YBX3: variants seen among roughly 807,000 people sequenced by gnomAD.
YBX3 encodes the protein Y-box-binding protein 3.
YBX3 carries 29 observed loss-of-function variants against 42.4 expected under a neutral mutation model. The ratio of observed to expected loss-of-function variants is 0.68; its 90% confidence interval spans 0.51 to 0.93. The LOEUF is 0.93. Among genes scored for constraint, YBX3 ranks in the 40% least tolerant of loss-of-function variants. The probability of loss-of-function intolerance (pLI) is 0.00; values close to 1 mark genes in which losing one functional copy is unlikely to be tolerated. For missense variants in YBX3, 517 were observed against 527.5 expected, an observed-to-expected ratio of 0.98 and a Z score of 0.19; for synonymous variants, 195 against 189.8, an observed-to-expected ratio of 1.03 and a Z score of -0.22.
At position 10,722,946 on chromosome 12, in the gene YBX3, G is replaced by C. The variant is rs1442683329; in HGVS notation, c.166C>G (p.Pro56Ala). The change falls in exon 1 of 10, where the codon CCC becomes GCC. Residue 56 changes from proline to alanine, a missense_variant. By Grantham distance (27) the Pro-to-Ala change is conservative. Coordinates refer to ENST00000228251, the MANE Select transcript of YBX3 (RefSeq NM_003651.5). ...PAPAAHVAGN[P>A]GGDAAPAATG... The stretch of plus-strand genomic sequence containing the variant: ...GCTGCGGGGGCCGCGTCCCCACCGG[G>C]GTTTCCTGCGACGTGGGCGGCGGGC... The C allele has an allele frequency of 7.8e-7, 1 of 1,283,516 alleles. No homozygotes were observed. The highest frequency in any genetic ancestry group is 9.8e-7 in the Non-Finnish European group (1 of 1,020,848). The allele number at this position is 1,283,516 out of a possible 1,614,324, so 79.5% of individuals were successfully genotyped here. A position where few individuals can be genotyped will look rare whatever the true frequency, so the allele number is the denominator to read the frequency against.
chr12:10,713,248 C>T lies in YBX3; in HGVS notation c.536G>A (p.Arg179His). Residue 179 changes from arginine (R) to histidine (H), a missense_variant, in exon 5 of 10, where the codon CGT (arginine) becomes CAT (histidine). By Grantham distance (29) the Arg-to-His change is conservative. Transcript: ENST00000228251. ...GCCACGGCGCCTTCCATAGTAGCCA[C>T]GTCTGTAACGGCGCCGATCTGCAGC... ...RYAADRRRYR[R>H]GYYGRRRGPP... is the part of the protein sequence containing the mutation. 5.6e-6 allele frequency: 9 copies of T among 1,614,054 alleles called. No individual in the cohort carries two copies. Among genetic ancestry groups the T allele is most frequent in the South Asian group, 2.2e-5 (2 of 91,076 alleles).
At chr12:10,713,030 G>A (rs1388761878) in intron 5 of YBX3, 181 bp downstream of exon 5, 1 of 815,546 alleles carries the variant, frequency 1.2e-6, no homozygotes. Flanking sequence ...AAAAACCTAT[G>A]GAAATCAATA....
At chr12:10,705,810 C>T (rs1273176806) in intron 6 of YBX3, among the ~76,000 whole-genome samples, 1 of 152,018 alleles carries the variant, frequency 6.6e-6, no homozygotes, top group East Asian at 1.9e-4. Flanking sequence ...TAATCTGTTA[C>T]TATCATTACT....
chr12:10,722,826 C>G (rs1948345397), intron 1 of YBX3, 24 bp downstream of exon 1: 2 of 1,444,080 alleles, frequency 1.4e-6, no homozygotes, highest in Non-Finnish European at 1.8e-6. Flanking sequence ...TACGGCAGCC[C>G]CTGCCCTCCC....
chr12:10,710,505 A>C (rs1381230091), intron 5 of YBX3: 2 of 1,185,830 alleles, frequency 1.7e-6, no homozygotes, highest in Non-Finnish European at 2.1e-6. Context: ...GAAAAGCCAA[A>C]AAAGAATACA....
intron 6 of YBX3, among the ~76,000 whole-genome samples, chr12:10,706,471 C>T (rs1200859354): frequency 1.3e-5 from 2 of 152,194 alleles, no homozygotes; most frequent in African/African-American, 2.4e-5. Flanking sequence ...AAACCACTGA[C>T]CTCCAAGTTA....
chr12:10,709,962 C>T lies in YBX3; in HGVS notation c.726G>A (p.Val242=). ...GTGAGCGACGGTCAAAGGTCTGTCC[C>T]ACGTGGTAAGGCGGGAACCGCCGCT... The part of the protein sequence containing the change: ...YRQRRFPPYH[V]GQTFDRRSRV... The change falls in exon 6 of 10, where the codon GTG becomes GTA. Residue 242 remains valine (V), a synonymous_variant. Transcript: ENST00000228251. 1.2e-6 allele frequency: 2 copies of T among 1,614,168 alleles called. No homozygotes were observed. Among genetic ancestry groups the T allele is most frequent in the South Asian group, 1.1e-5 (1 of 91,084 alleles).
rs750604266 is a variant in YBX3 at position 10,710,085 on chromosome 12, G to A, written c.603C>T (p.Ser201=). The change falls in exon 6 of 10, where the codon AGC becomes AGT. Residue 201 remains serine (S), a synonymous_variant. Transcript: ENST00000228251. ...NYAGEEEEEG[S]GSSEGFDPPA... ...GGGGGTCAAATCCTTCACTGCTGCC[G>A]CTCCCTTCCTCCTCCTCCTCCCCAG... 18 of 1,613,476 alleles carry A rather than the reference G, an allele frequency of 1.1e-5. No homozygotes were observed. Among genetic ancestry groups the A allele is most frequent in the African/African-American group, 9.3e-5 (7 of 74,894 alleles).
Position 10,713,127 on chromosome 12 carries a change from G to T in YBX3, c.573+84C>A, listed in dbSNP as rs915736593. On this transcript the variant is annotated intron_variant, in intron 5 of 9. Coordinates refer to ENST00000228251, the MANE Select transcript of YBX3 (RefSeq NM_003651.5). ...TCATTTGTCTCCAGGAGAAGACAAG[G>T]CATTTATCTGCTCCAAGTACATACA... The T allele has an allele frequency of 1.3e-5, 18 of 1,386,140 alleles. No homozygotes were observed. The African/African-American group carries it at 2.2e-4, about 17-fold the overall frequency. The allele number at this position is 1,386,140 out of a possible 1,614,324, so 85.9% of individuals were successfully genotyped here.
intron 9 of YBX3, 145 bp downstream of exon 9, chr12:10,701,109 A>G (rs1282153296): frequency 3.6e-6 from 2 of 548,676 alleles, no homozygotes; most frequent in Non-Finnish European, 6.5e-6. Flanking sequence ...CCACCAAATC[A>G]CTTTTTCCAC....
At chr12:10,720,458 T>C (rs1195252614) in intron 1 of YBX3, among the ~76,000 whole-genome samples, 1 of 151,750 alleles carries the variant, frequency 6.6e-6, no homozygotes, top group African/African-American at 2.4e-5. Flanking sequence ...ATCTCTCATC[T>C]CTCCAAAGGA....
intron 3 of YBX3, among the ~76,000 whole-genome samples, chr12:10,716,370 G>C (rs532986748): frequency 4.0e-4 from 61 of 152,294 alleles, no homozygotes; most frequent in African/African-American, 1.4e-3. Context: ...GGAAGTGGAG[G>C]AGGGGGAATT....
At chr12:10,720,063 G>T (rs907114283) in intron 1 of YBX3, among the ~76,000 whole-genome samples, 21 of 151,990 alleles carry the variant, frequency 1.4e-4, no homozygotes, top group Middle Eastern at 3.2e-3. Context: ...TTCAGGAAGT[G>T]CAAAAAGCAA....
At chr12:10,720,372 A>C (rs1241976280) in intron 1 of YBX3, among the ~76,000 whole-genome samples, 1 of 151,944 alleles carries the variant, frequency 6.6e-6, no homozygotes, top group East Asian at 1.9e-4. Context: ...AATCCAAAAC[A>C]AAAAAAACAT....
chr12:10,723,323 T>G lies in YBX3; in HGVS notation c.-212A>C. On this transcript the variant is annotated 5_prime_UTR_variant, in exon 1 of 10. Transcript: ENST00000228251. ...TCTTGGGCTCCTCGCTCGATCTTAC[T>G]GCCCCAAAAATGGCCCCGCACAAGT... is the stretch of plus-strand genomic sequence containing the variant. 6 of 799,074 alleles carry G rather than the reference T, an allele frequency of 7.5e-6. No homozygotes were observed. Among genetic ancestry groups the G allele is most frequent in the South Asian group, 6.0e-5 (1 of 16,584 alleles). 49.5% of individuals were successfully genotyped at this position (799,074 alleles called of 1,614,324 possible). A position where few individuals can be genotyped will look rare whatever the true frequency, so the allele number is the denominator to read the frequency against.
intron 6 of YBX3, chr12:10,704,454 CTT>C (rs1948115568): frequency 9.4e-6 from 2 of 211,996 alleles, no homozygotes; most frequent in African/African-American, 2.3e-5. Flanking sequence ...ATAAAATACT[CTT>C]TTATTTTTCT....
chr12:10,707,823 C>T (rs1948154765), intron 6 of YBX3, among the ~76,000 whole-genome samples: 4 of 152,122 alleles, frequency 2.6e-5, no homozygotes, highest in Admixed American at 1.3e-4. Flanking sequence ...TAAGTAAGCT[C>T]GGCCATTTCT....
At chr12:10,720,931 C>T (rs560896348) in intron 1 of YBX3, 2 of 152,288 alleles carry the variant, frequency 1.3e-5, no homozygotes, top group South Asian at 4.1e-4. Flanking sequence ...ACTTCATATA[C>T]ACTAAGGGGA....
Position 10,723,086 on chromosome 12 carries a change from G to A in YBX3, c.26C>T (p.Thr9Ile). 8.3e-7 allele frequency: 1 copy of A among 1,207,716 alleles called. No homozygotes were observed. Among genetic ancestry groups the A allele is most frequent in the Non-Finnish European group, 1.0e-6 (1 of 973,588 alleles). 74.8% of individuals were successfully genotyped at this position (1,207,716 alleles called of 1,614,324 possible). The change falls in exon 1 of 10, where the codon ACC becomes ATC. Residue 9 changes from threonine (T) to isoleucine (I), a missense_variant. Coordinates refer to ENST00000228251, the MANE Select transcript of YBX3 (RefSeq NM_003651.5). MSEAGEAT[T>I]TTTTTLPQAP... ...CTGCGGGAGGGTGGTGGTGGTGGTG[G>A]TGGTGGCCTCGCCCGCCTCACTCAT...
Sources: gnomAD v4.1 joint callset for allele counts (sites outside exome capture counted in the v4.1 genomes callset) on GRCh38, gnomAD v4.1.1 for gene constraint, MANE v1.5 for transcripts, NCBI Gene and HGNC (gene_info 2026-07-23, HGNC 2026-07-21) for gene names.